The following SPHK2 variants were observed in gnomAD, a reference collection of about 807,000 sequenced individuals.
The protein encoded by SPHK2 is sphingosine kinase 2.
In SPHK2, 18 loss-of-function variants were observed where a neutral mutation model predicts 32.3. That is an observed-to-expected ratio of 0.56 (90% CI 0.39 to 0.83). The LOEUF (loss-of-function observed/expected upper bound fraction) is 0.83, where lower values mean the gene tolerates loss of function less well. Among genes scored for constraint, SPHK2 ranks in the 40% least tolerant of loss-of-function variants. SPHK2 has a pLI of 0.00. For missense variants in SPHK2, 850 were observed against 908.7 expected (o/e 0.94, Z 0.83); for synonymous variants, 462 against 417.6 (o/e 1.11, Z -1.30).
Position 48,630,233 on chromosome 19 carries a change from G to A in SPHK2, c.*460G>A, listed in dbSNP as rs1477216020. The A allele has an allele frequency of 3.9e-6, 5 of 1,279,222 alleles. No homozygotes were observed. The highest frequency in any genetic ancestry group is 4.9e-6 in the Non-Finnish European group (5 of 1,013,586). The allele number at this position is 1,279,222 out of a possible 1,614,324, so 79.2% of individuals were successfully genotyped here. ...TCCATTTAGCTGGCCAATCAGCCCAGGAGGGGCAGGTTCCCCGGGGCCGGC... is the reference window on the plus strand; with the variant it reads ...TCCATTTAGCTGGCCAATCAGCCCAAGAGGGGCAGGTTCCCCGGGGCCGGC... On this transcript the variant is annotated 3_prime_UTR_variant, in exon 7 of 7. Transcript: ENST00000245222. This position sits in a 1 kb window ranked among gnomAD's most constrained non-coding sequence, Gnocchi z 4.9.
chr19:48,629,613 A>G lies in SPHK2; in HGVS notation c.1805A>G (p.Tyr602Cys), dbSNP rs1050670224. 5.0e-6 allele frequency: 8 copies of G among 1,598,692 alleles called. No homozygotes were observed. The African/African-American group carries it at 1.1e-4, about 21-fold the overall frequency. ...AGCCTGGGCTGTCCGCAGCTGGGCT[A>G]CGCCGCGGCCCGTGCCTTCCGCCTA... Reference protein sequence around the residue: ...HFSLGCPQLGYAAARAFRLEP... With the variant: ...HFSLGCPQLGCAAARAFRLEP... The change falls in exon 7 of 7, where the codon TAC becomes TGC. Residue 602 changes from tyrosine to cysteine, a missense_variant. Physicochemically the swap from Tyr to Cys is radical, Grantham distance 194. Transcript: ENST00000245222.
intron 2 of SPHK2, 64 bp downstream of exon 2, chr19:48,620,617 TTAAA>T: frequency 7.8e-7 from 1 of 1,283,836 alleles, no homozygotes; most frequent in Non-Finnish European, 1.1e-6. Context: ...AAGCTTTTCT[TTAAA>T]AAAAAAAAAA....
intron 3 of SPHK2, among the ~76,000 whole-genome samples, chr19:48,627,444 C>T (rs1427506182): frequency 6.6e-6 from 1 of 152,342 alleles, no homozygotes; most frequent in African/African-American, 2.4e-5. Flanking sequence ...AAGTGGGAAC[C>T]ACAGCTCTGA....
intron 2 of SPHK2, among the ~76,000 whole-genome samples, chr19:48,622,757 CTTTT>C (rs779108312): frequency 8.3e-5 from 9 of 108,540 alleles, no homozygotes; most frequent in Non-Finnish European, 1.7e-4. Flanking sequence ...ATTTGTCTCT[CTTTT>C]TTTTTTTTTT....
At chr19:48,625,855 C>T (rs779552294) in intron 2 of SPHK2, 36 bp from the exon 3 acceptor site, 3 of 1,601,112 alleles carry the variant, frequency 1.9e-6, no homozygotes, top group Non-Finnish European at 2.5e-6. Context: ...CCATGGGGTC[C>T]TGAATTCTCA....
intron 2 of SPHK2, chr19:48,623,330 T>G (rs510066): frequency 0.18 from 27,173 of 151,006 alleles, 2,650 homozygotes; most frequent in East Asian, 0.38. Context: ...TCCACCCGCC[T>G]CGGCCTCCCA....
chr19:48,622,266 AAAAAAAT>A (rs1568428596), intron 2 of SPHK2, among the ~76,000 whole-genome samples: 3 of 146,344 alleles, frequency 2.0e-5, no homozygotes, highest in African/African-American at 8.0e-5. Context: ...CTCAAAAAAA[AAAAAAAT>A]AAAAAAAAAT....
chr19:48,628,831 A>G lies in SPHK2; in HGVS notation c.1023A>G (p.Ser341=). 1 of 1,613,742 alleles carries G rather than the reference A, an allele frequency of 6.2e-7. No homozygotes were observed. The highest frequency in any genetic ancestry group is 8.5e-7 in the Non-Finnish European group (1 of 1,180,014). The part of the protein sequence containing the change: ...SFLSVAWGFV[S]DVDIQSERFR... ...TGTCTGTGGCCTGGGGCTTCGTGTC[A>G]GATGTGGATATCCAGAGCGAGCGCT... is the stretch of plus-strand genomic sequence containing the variant. The change falls in exon 7 of 7, where the codon TCA becomes TCG. Residue 341 remains serine (S), a synonymous_variant. Coordinates refer to ENST00000245222, the MANE Select transcript of SPHK2 (RefSeq NM_020126.5). The surrounding 1 kb of genome is among the most constrained non-coding windows in gnomAD (Gnocchi z 5.2).
intron 2 of SPHK2, chr19:48,624,415 G>A (rs1265341249): frequency 6.6e-6 from 1 of 152,636 alleles, no homozygotes; most frequent in Non-Finnish European, 1.5e-5. Context: ...GGACCGCCTG[G>A]AGGAGGACCC....
In SPHK2 at chr19:48,626,008, GGC is replaced by G; in HGVS notation, c.159_160del (p.Glu54ValfsTer30). Reference sequence around the variant, plus strand: ...GGCTGCCAGCACCCCGCTCCTCCATGGCGAGTTTGGCTCCTACCCAGCCCGAG... The same window carrying G: ...GGCTGCCAGCACCCCGCTCCTCCATGGAGTTTGGCTCCTACCCAGCCCGAG... ...PLAASTPLLHGEFGSYPARGP... is the reference protein window; with the variant it reads ...PLAASTPLLHXEFGSYPARGP... On this transcript the variant is annotated frameshift_variant, in exon 3 of 7. Coordinates refer to ENST00000245222, the MANE Select transcript of SPHK2 (RefSeq NM_020126.5). LOFTEE classifies it high-confidence loss of function. 1 of 1,613,384 alleles carries G rather than the reference GGC, an allele frequency of 6.2e-7. No homozygotes were observed. The highest frequency in any genetic ancestry group is 8.5e-7 in the Non-Finnish European group (1 of 1,179,904).
Position 48,630,007 on chromosome 19 carries a change from TG to T in SPHK2, c.*236del, listed in dbSNP as rs1418158111. ...GTGCCTGATCAATGAGGGCGGGGCCTGGCGTCTGATCTGGGGCCGCCCTTAC... is the reference window on the plus strand; with the variant it reads ...GTGCCTGATCAATGAGGGCGGGGCCTGCGTCTGATCTGGGGCCGCCCTTAC... On this transcript the variant is annotated 3_prime_UTR_variant, in exon 7 of 7. Coordinates refer to ENST00000245222, the MANE Select transcript of SPHK2 (RefSeq NM_020126.5). This position sits in a 1 kb window ranked among gnomAD's most constrained non-coding sequence, Gnocchi z 4.9. The T allele has an allele frequency of 5.9e-6, 8 of 1,366,634 alleles. No individual in the cohort carries two copies. Among genetic ancestry groups the T allele is most frequent in the Non-Finnish European group, 5.6e-6 (6 of 1,063,016 alleles). The allele number at this position is 1,366,634 out of a possible 1,614,324, so 84.7% of individuals were successfully genotyped here.
In SPHK2 at chr19:48,627,994, G is replaced by A; in HGVS notation, c.681G>A (p.Arg227=). Residue 227 remains arginine (R), a synonymous_variant, in exon 5 of 7, where the codon CGG becomes CGA. Coordinates refer to ENST00000245222, the MANE Select transcript of SPHK2 (RefSeq NM_020126.5). The part of the protein sequence containing the change: ...LIQTERQNHA[R]ELVQGLSLSE... Reference sequence around the variant, plus strand: ...CTTCAGAACGACAGAACCACGCCCGGGAGCTGGTCCAGGGGCTGAGCCTGA... The same window carrying A: ...CTTCAGAACGACAGAACCACGCCCGAGAGCTGGTCCAGGGGCTGAGCCTGA... 6.3e-7 allele frequency: 1 copy of A among 1,589,636 alleles called. No individual in the cohort carries two copies. The highest frequency in any genetic ancestry group is 8.6e-7 in the Non-Finnish European group (1 of 1,164,930).
Position 48,629,704 on chromosome 19 carries a change from G to A in SPHK2, c.1896G>A (p.Gln632=), listed in dbSNP as rs1359392773. The A allele has an allele frequency of 6.2e-7, 1 of 1,610,054 alleles. No individual in the cohort carries two copies. The highest frequency in any genetic ancestry group is 1.1e-5 in the South Asian group (1 of 90,640). ...DGEQVEYGPL[Q]AQMHPGIGTL... is the part of the protein sequence containing the mutation. ...AGCAGGTGGAGTATGGGCCGCTACAGGCACAGATGCACCCTGGCATCGGTA... is the reference window on the plus strand; with the variant it reads ...AGCAGGTGGAGTATGGGCCGCTACAAGCACAGATGCACCCTGGCATCGGTA... Residue 632 remains glutamine (Q), a synonymous_variant, in exon 7 of 7, where the codon CAG becomes CAA. Coordinates refer to ENST00000245222, the MANE Select transcript of SPHK2 (RefSeq NM_020126.5).
chr19:48,628,893 C>T lies in SPHK2; in HGVS notation c.1085C>T (p.Thr362Met), dbSNP rs747391951. The T allele has an allele frequency of 2.5e-5, 41 of 1,613,454 alleles. No individual in the cohort carries two copies. The highest frequency in any genetic ancestry group is 9.9e-5 in the South Asian group (9 of 91,082). ...GGCAGTGCCCGCTTCACACTGGGCACGGTGCTGGGCCTCGCCACACTGCAC... is the reference window on the plus strand; with the variant it reads ...GGCAGTGCCCGCTTCACACTGGGCATGGTGCTGGGCCTCGCCACACTGCAC... ...ALGSARFTLG[T>M]VLGLATLHTY... Residue 362 changes from threonine to methionine, a missense_variant, in exon 7 of 7, where the codon ACG becomes ATG. Physicochemically the swap from Thr to Met is moderately conservative, Grantham distance 81. Coordinates refer to ENST00000245222, the MANE Select transcript of SPHK2 (RefSeq NM_020126.5). The surrounding 1 kb of genome is among the most constrained non-coding windows in gnomAD (Gnocchi z 5.2).
In SPHK2 at chr19:48,629,484, C is replaced by G. The variant is rs1258513496; in HGVS notation, c.1676C>G (p.Ala559Gly). ...LGADLVAAPH[A>G]RFDDGLVHLC... is the part of the protein sequence containing the mutation. Reference sequence around the variant, plus strand: ...GCTGACCTGGTGGCAGCTCCGCATGCGCGCTTCGACGACGGCCTGGTGCAC... The same window carrying G: ...GCTGACCTGGTGGCAGCTCCGCATGGGCGCTTCGACGACGGCCTGGTGCAC... The change falls in exon 7 of 7, where the codon GCG becomes GGG. Residue 559 changes from alanine to glycine, a missense_variant. Transcript: ENST00000245222. 2 of 1,607,016 alleles carry G rather than the reference C, an allele frequency of 1.2e-6. No individual in the cohort carries two copies. The highest frequency in any genetic ancestry group is 1.7e-6 in the Non-Finnish European group (2 of 1,178,278).
At position 48,629,288 on chromosome 19, in the gene SPHK2, C is replaced by A; in HGVS notation, c.1480C>A (p.Pro494Thr). ...CGTCTCCGAAGGGGCCCCCGTAATT[C>A]CCCCATCCTCTGGGCTCCCACTTCC... The part of the protein sequence containing the change: ...SPVSEGAPVI[P>T]PSSGLPLPTP... The change falls in exon 7 of 7, where the codon CCC (proline) becomes ACC (threonine). Residue 494 changes from proline to threonine, a missense_variant. Transcript: ENST00000245222. The A allele has an allele frequency of 6.2e-7, 1 of 1,613,614 alleles. No individual in the cohort carries two copies. Among genetic ancestry groups the A allele is most frequent in the African/African-American group, 1.3e-5 (1 of 75,062 alleles).
chr19:48,628,575 G>A lies in SPHK2; in HGVS notation c.873-106G>A. Reference sequence around the variant, plus strand: ...GGCCCCACGGCTGTGGTGGGCCTGGGCCATGGCCTTCGTGGTCTCATTGCC... The same window carrying A: ...GGCCCCACGGCTGTGGTGGGCCTGGACCATGGCCTTCGTGGTCTCATTGCC... On this transcript the variant is annotated intron_variant, in intron 6 of 6. Transcript: ENST00000245222. The surrounding 1 kb of genome is among the most constrained non-coding windows in gnomAD (Gnocchi z 5.2). 3 of 1,418,734 alleles carry A rather than the reference G, an allele frequency of 2.1e-6. No homozygotes were observed. Among genetic ancestry groups the A allele is most frequent in the African/African-American group, 1.4e-5 (1 of 71,196 alleles). The allele number at this position is 1,418,734 out of a possible 1,614,324, so 87.9% of individuals were successfully genotyped here. A position where few individuals can be genotyped will look rare whatever the true frequency, so the allele number is the denominator to read the frequency against.
intron 2 of SPHK2, chr19:48,625,044 C>T: frequency 1.0e-6 from 1 of 991,324 alleles, no homozygotes; most frequent in Non-Finnish European, 1.2e-6. Flanking sequence ...TGCTCCCACC[C>T]GCTCCCTGGA....
chr19:48,625,646 G>A (rs1974580362), intron 2 of SPHK2: 1 of 1,528,578 alleles, frequency 6.5e-7, no homozygotes, highest in African/African-American at 1.4e-5. Flanking sequence ...AAAGGGTACT[G>A]AATACTTACT....
Sources: gnomAD v4.1 joint callset for allele counts (sites outside exome capture counted in the v4.1 genomes callset) on GRCh38, gnomAD v4.1.1 for gene constraint, Gnocchi (gnomAD v3.1) non-coding constraint, MANE v1.5 for transcripts, NCBI Gene and HGNC (gene_info 2026-07-23, HGNC 2026-07-21) for gene names.